The following ABCC4 variants were observed in gnomAD, a reference collection of about 807,000 sequenced individuals.
ABCC4 encodes ATP binding cassette subfamily C member 4 (PEL blood group).
A neutral mutation model predicts 168.5 loss-of-function variants in ABCC4; 102 were observed. That is an observed-to-expected ratio of 0.61 (90% CI 0.52 to 0.71). The LOEUF is 0.71. Ranked by LOEUF, ABCC4 falls within the 30% of genes least tolerant of loss-of-function variation. ABCC4 has a pLI of 0.00. For missense variants in ABCC4, 1,402 were observed against 1,605.8 expected (o/e 0.87, Z 2.17); for synonymous variants, 617 against 590.7 (o/e 1.04, Z -0.65).
chr13:95,192,571 A>G (rs2139637678), intron 9 of ABCC4, among the ~76,000 whole-genome samples: 1 of 152,286 alleles, frequency 6.6e-6, no homozygotes, highest in South Asian at 2.1e-4. Context: ...AACAGCATTC[A>G]CCTAGAGTGC....
intron 3 of ABCC4, among the ~76,000 whole-genome samples, chr13:95,240,553 CACACACACACACA>C (rs1364153893): frequency 2.0e-5 from 3 of 151,462 alleles, no homozygotes; most frequent in Non-Finnish European, 2.9e-5. Context: ...CACACACACA[CACACACACACACA>C]CATCTTCAGA....
At chr13:95,048,834 T>C (rs1277248251) in intron 27 of ABCC4, among the ~76,000 whole-genome samples, 1 of 152,226 alleles carries the variant, frequency 6.6e-6, no homozygotes. Flanking sequence ...AACGTGCTGC[T>C]GATTCATTTT....
At chr13:95,175,643 T>C (rs1344212409) in intron 13 of ABCC4, among the ~76,000 whole-genome samples, 1 of 152,190 alleles carries the variant, frequency 6.6e-6, no homozygotes, top group Admixed American at 6.5e-5. Context: ...TACACTAAAA[T>C]GAGGCCATGA....
intron 4 of ABCC4, among the ~76,000 whole-genome samples, chr13:95,231,657 C>T (rs902748401): frequency 1.3e-5 from 2 of 152,220 alleles, no homozygotes; most frequent in Non-Finnish European, 2.9e-5. Context: ...TGAGGATATT[C>T]GTCTTTCCCA....
chr13:95,159,135 C>T (rs1324564693), intron 19 of ABCC4, among the ~76,000 whole-genome samples: 1 of 45,038 alleles, frequency 2.2e-5, no homozygotes, highest in Non-Finnish European at 5.9e-5. Flanking sequence ...ATATATATAA[C>T]TATTGAAGTG....
At chr13:95,117,275 C>G (rs2035412159) in intron 19 of ABCC4, among the ~76,000 whole-genome samples, 1 of 151,776 alleles carries the variant, frequency 6.6e-6, no homozygotes, top group African/African-American at 2.4e-5. Context: ...AAAAAAAAGC[C>G]CAGGCACAAC....
At chr13:95,180,204 C>CAACAAA (rs1325178385) in intron 11 of ABCC4, among the ~76,000 whole-genome samples, 2 of 152,156 alleles carry the variant, frequency 1.3e-5, no homozygotes, top group Non-Finnish European at 2.9e-5. Flanking sequence ...CATTATTTCA[C>CAACAAA]GTTATCTCTT....
At chr13:95,273,575 TTGAC>T (rs1386585699) in intron 1 of ABCC4, among the ~76,000 whole-genome samples, 3 of 152,168 alleles carry the variant, frequency 2.0e-5, no homozygotes, top group Non-Finnish European at 4.4e-5. Flanking sequence ...TCCTAAGACT[TTGAC>T]TGAGCACCAT....
At chr13:95,195,727 C>T (rs890189493) in intron 8 of ABCC4, among the ~76,000 whole-genome samples, 2 of 151,936 alleles carry the variant, frequency 1.3e-5, no homozygotes, top group South Asian at 2.1e-4. Flanking sequence ...TCCGCCTCTC[C>T]GGTTCAAGTG....
chr13:95,086,090 T>TGC (rs2034249063), intron 20 of ABCC4, among the ~76,000 whole-genome samples: 1 of 149,894 alleles, frequency 6.7e-6, no homozygotes, highest in Admixed American at 6.6e-5. Flanking sequence ...AAGGTTATTG[T>TGC]GTGTGTGTGT....
intron 19 of ABCC4, among the ~76,000 whole-genome samples, chr13:95,142,785 G>A (rs1298963923): frequency 6.6e-6 from 1 of 152,078 alleles, no homozygotes; most frequent in Non-Finnish European, 1.5e-5. Context: ...CAAGCCTTGT[G>A]AAGACTAAAT....
intron 4 of ABCC4, among the ~76,000 whole-genome samples, chr13:95,212,045 T>C (rs2038972989): frequency 6.6e-6 from 1 of 151,358 alleles, no homozygotes; most frequent in South Asian, 2.1e-4. Context: ...GGTGTGGTGG[T>C]GTGCACCTGT....
intron 20 of ABCC4, among the ~76,000 whole-genome samples, chr13:95,095,286 TTATCTATCTATCTATCTATCTATC>T (rs55957658): frequency 2.1e-5 from 3 of 146,304 alleles, no homozygotes; most frequent in African/African-American, 5.1e-5. Context: ...AACTGTGAGA[TTATCTATCTATCTATCTATCTATC>T]TATCTATCTA....
At chr13:95,240,837 G>A (rs1169414629) in intron 3 of ABCC4, among the ~76,000 whole-genome samples, 13 of 151,824 alleles carry the variant, frequency 8.6e-5, no homozygotes, top group African/African-American at 3.1e-4. Flanking sequence ...TACATGTGGT[G>A]GTATAAGCTT....
intron 4 of ABCC4, among the ~76,000 whole-genome samples, chr13:95,229,436 A>C (rs1169483289): frequency 6.6e-6 from 1 of 152,212 alleles, no homozygotes; most frequent in Non-Finnish European, 1.5e-5. Context: ...TCTGCAAAAA[A>C]GTCTGCAAAC....
intron 3 of ABCC4, among the ~76,000 whole-genome samples, chr13:95,241,366 GAA>G (rs3047272): frequency 4.1e-5 from 6 of 145,338 alleles, no homozygotes; most frequent in African/African-American, 1.5e-4. Context: ...TCCATCTCAG[GAA>G]AAAAAAAAAA....
intron 19 of ABCC4, among the ~76,000 whole-genome samples, chr13:95,133,305 G>A (rs1353888059): frequency 6.6e-6 from 1 of 151,396 alleles, no homozygotes; most frequent in Non-Finnish European, 1.5e-5. Context: ...GTATAGATGG[G>A]GTTTCACCAT....
intron 4 of ABCC4, among the ~76,000 whole-genome samples, chr13:95,220,274 CT>C (rs1196633655): frequency 5.9e-5 from 9 of 152,152 alleles, no homozygotes; most frequent in Admixed American, 5.9e-4. Flanking sequence ...ACTAAGAATA[CT>C]TGGAGGAAGC....
At chr13:95,287,543 C>T (rs1452922582) in intron 1 of ABCC4, among the ~76,000 whole-genome samples, 6 of 149,900 alleles carry the variant, frequency 4.0e-5, no homozygotes, top group Non-Finnish European at 5.9e-5. Context: ...GCCAAGATCA[C>T]GCCATTGCAC....
Sources: gnomAD v4.1 joint callset for allele counts (sites outside exome capture counted in the v4.1 genomes callset) on GRCh38, gnomAD v4.1.1 for gene constraint, MANE v1.5 for transcripts, NCBI Gene and HGNC (gene_info 2026-07-23, HGNC 2026-07-21) for gene names.